RSPO2: variants seen among roughly 807,000 people sequenced by gnomAD.
RSPO2 encodes R-spondin-2.
In RSPO2, 14 loss-of-function variants were observed where a neutral mutation model predicts 30.9. The ratio of observed to expected loss-of-function variants is 0.45; its 90% CI spans 0.30 to 0.71. The LOEUF (loss-of-function observed/expected upper bound fraction) is 0.71. Among genes scored for constraint, RSPO2 ranks in the 30% least tolerant of loss-of-function variants. The pLI is 0.08. For synonymous variants in RSPO2, 107 were observed against 96.4 expected (o/e 1.11, Z -0.64); for missense variants, 264 against 301.9 (o/e 0.87, Z 0.93).
intron 5 of RSPO2, among the ~76,000 whole-genome samples, chr8:107,901,507 T>C (rs1341634017): frequency 3.3e-5 from 5 of 152,200 alleles, no homozygotes; most frequent in East Asian, 1.9e-4. Flanking sequence ...CTTCTAACAA[T>C]GCTACCCTTT....
At chr8:107,984,069 A>C (rs1814543485) in intron 3 of RSPO2, 1 of 522,902 alleles carries the variant, frequency 1.9e-6, no homozygotes, top group Admixed American at 3.7e-5. Flanking sequence ...TCATCCCGGA[A>C]ATGCTTCATC....
chr8:107,901,009 G>A lies in RSPO2; in HGVS notation c.*66C>T. 1.3e-6 allele frequency: 2 copies of A among 1,557,376 alleles called. No individual in the cohort carries two copies. The highest frequency in any genetic ancestry group is 1.8e-6 in the Non-Finnish European group (2 of 1,137,718). On this transcript the variant is annotated 3_prime_UTR_variant, in exon 6 of 6. Transcript: ENST00000276659. ...AAAGGCTGCACACCAGTGTGCAGGA[G>A]TGGAGAGTAGCTTTGTGCACATTTG...
chr8:107,983,864 T>G, intron 3 of RSPO2: 2 of 1,550,038 alleles, frequency 1.3e-6, no homozygotes, highest in Non-Finnish European at 1.8e-6. Context: ...CAGCAAATAC[T>G]GGGAAAGCCA....
In RSPO2 at chr8:107,950,519, T is replaced by G. The variant is rs895600951; in HGVS notation, c.616+7561A>C. On this transcript the variant is annotated intron_variant, in intron 5 of 5. Coordinates refer to ENST00000276659, the MANE Select transcript of RSPO2 (RefSeq NM_178565.5). ...TTTTTTTTTACCATGTTATCTTATG[T>G]CTTTGTACATTAAGTTCTTACTAAA... is the stretch of plus-strand genomic sequence containing the variant. Among the ~76,000 whole-genome samples the G allele has an allele frequency of 2.6e-5, 4 of 151,810 alleles. No homozygotes were observed. In the East Asian group the frequency reaches 7.7e-4, roughly 29 times the overall value.
At chr8:107,937,578 T>C (rs1812760017) in intron 5 of RSPO2, among the ~76,000 whole-genome samples, 1 of 150,554 alleles carries the variant, frequency 6.6e-6, no homozygotes, top group Non-Finnish European at 1.5e-5. Context: ...CCTTGCTCTT[T>C]TTATTTCTTT....
At chr8:107,979,725 C>G (rs1291146801) in intron 3 of RSPO2, among the ~76,000 whole-genome samples, 1 of 151,982 alleles carries the variant, frequency 6.6e-6, no homozygotes, top group African/African-American at 2.4e-5. Context: ...TCTTCCCTCT[C>G]TTACCCTTGT....
At chr8:107,995,825 C>A (rs1815000686) in intron 2 of RSPO2, among the ~76,000 whole-genome samples, 1 of 152,056 alleles carries the variant, frequency 6.6e-6, no homozygotes, top group Admixed American at 6.6e-5. Flanking sequence ...AAGTCCCAAC[C>A]CTAGACCTAC....
At chr8:107,990,328 C>G (rs1029981833) in intron 2 of RSPO2, among the ~76,000 whole-genome samples, 17 of 152,264 alleles carry the variant, frequency 1.1e-4, no homozygotes, top group African/African-American at 4.1e-4. Flanking sequence ...ATAAAACACA[C>G]CTTAAAATGA....
intron 2 of RSPO2, 30 bp downstream of exon 2, chr8:108,082,515 A>C (rs1813238045): frequency 6.3e-7 from 1 of 1,578,852 alleles, no homozygotes; most frequent in South Asian, 1.1e-5. Context: ...CCTGAAGCCC[A>C]CCACGCACCT....
chr8:108,013,721 A>T (rs1810780917), intron 2 of RSPO2, among the ~76,000 whole-genome samples: 1 of 152,228 alleles, frequency 6.6e-6, no homozygotes, highest in African/African-American at 2.4e-5. Context: ...TAAAGACTTA[A>T]ATGTAAAACC....
intron 5 of RSPO2, among the ~76,000 whole-genome samples, chr8:107,906,535 G>A (rs1013352118): frequency 2.0e-5 from 3 of 151,882 alleles, no homozygotes; most frequent in African/African-American, 7.2e-5. Context: ...GGAAATGATA[G>A]TAAGCAGATT....
chr8:107,970,312 C>T (rs1009805422), intron 3 of RSPO2, among the ~76,000 whole-genome samples: 1 of 152,094 alleles, frequency 6.6e-6, no homozygotes, highest in South Asian at 2.1e-4. Flanking sequence ...GTCTTAAAAT[C>T]TCAATGACTT....
At chr8:107,967,013 CTTATT>C (rs1045807406) in intron 3 of RSPO2, among the ~76,000 whole-genome samples, 73 of 152,232 alleles carry the variant, frequency 4.8e-4, no homozygotes, top group African/African-American at 1.7e-3. Flanking sequence ...TCCAACTGCT[CTTATT>C]TTAAACTAGC....
chr8:108,018,262 C>A (rs144759896), intron 2 of RSPO2, among the ~76,000 whole-genome samples: 113 of 152,232 alleles, frequency 7.4e-4, no homozygotes, highest in Admixed American at 1.8e-3. Flanking sequence ...AAAATTAATC[C>A]TAGTTATCAT....
At chr8:108,016,934 A>G (rs983486199) in intron 2 of RSPO2, among the ~76,000 whole-genome samples, 7 of 152,120 alleles carry the variant, frequency 4.6e-5, no homozygotes, top group African/African-American at 1.7e-4. Flanking sequence ...TGCTTCCCAT[A>G]AATCCTACAA....
chr8:108,060,243 A>T (rs1396930990), intron 2 of RSPO2, among the ~76,000 whole-genome samples: 4 of 151,838 alleles, frequency 2.6e-5, no homozygotes, highest in African/African-American at 9.7e-5. Context: ...TCCAAGCTAA[A>T]GGAGGAAGTT....
intron 2 of RSPO2, among the ~76,000 whole-genome samples, chr8:108,065,814 G>A (rs1478781625): frequency 6.6e-6 from 1 of 152,156 alleles, no homozygotes; most frequent in Non-Finnish European, 1.5e-5. Flanking sequence ...AAGGTGGGCG[G>A]ATCACCTGAG....
chr8:108,047,785 A>G (rs1355710239), intron 2 of RSPO2, among the ~76,000 whole-genome samples: 1 of 151,312 alleles, frequency 6.6e-6, no homozygotes, highest in African/African-American at 2.4e-5. Context: ...CGGGAGGCAG[A>G]GGTTGCAGTG....
chr8:107,989,592 T>A (rs1814777096), intron 2 of RSPO2: 1 of 185,300 alleles, frequency 5.4e-6, no homozygotes, highest in Non-Finnish European at 1.1e-5. Context: ...TCCCTTTATG[T>A]AGATGGAGTA....
Sources: allele counts gnomAD v4.1 joint callset (sites outside exome capture counted in the v4.1 genomes callset), GRCh38; gene constraint gnomAD v4.1.1; transcripts MANE v1.5; gene names NCBI Gene and HGNC (gene_info 2026-07-23, HGNC 2026-07-21).